Variants in NHS observed in about 807,000 individuals in gnomAD.
NHS encodes NHS actin remodeling regulator.
Under a neutral mutation model 72.5 loss-of-function variants are expected in NHS, and 5 were observed. The ratio of observed to expected loss-of-function variants is 0.07; its 90% CI spans 0.04 to 0.14. NHS has a LOEUF of 0.14. Among genes scored for constraint, NHS ranks in the 10% least tolerant of loss-of-function variants. NHS has a pLI of 1.00. For synonymous variants in NHS, 464 were observed against 547.7 expected, an observed-to-expected ratio of 0.85 and a Z score of 2.13; for missense variants, 1,072 against 1,355.7, an observed-to-expected ratio of 0.79 and a Z score of 3.29.
At chrX:17,692,594 TG>T in intron 3 of NHS, 126 bp downstream of exon 3, 2 of 859,415 alleles carry the variant, frequency 2.3e-6, no homozygotes, top group Non-Finnish European at 3.4e-6. Context: ...CATGGGCATT[TG>T]GGAACAAATT....
At chrX:17,533,157 G>C (rs987579599) in intron 1 of NHS, among the ~76,000 whole-genome samples, 7 of 112,304 alleles carry the variant, frequency 6.2e-5, no homozygotes, top group Non-Finnish European at 1.3e-4. Context: ...ACATGGGAGA[G>C]GGCCAAAGCT....
chrX:17,381,943 T>G (rs1274463813), intron 1 of NHS, among the ~76,000 whole-genome samples: 1 of 112,522 alleles, frequency 8.9e-6, no homozygotes, highest in East Asian at 2.8e-4. Context: ...GATGTTTAAA[T>G]TGTAGCCACT....
At chrX:17,706,686 G>A (rs2066298358) in intron 3 of NHS, among the ~76,000 whole-genome samples, 1 of 111,805 alleles carries the variant, frequency 8.9e-6, no homozygotes. Context: ...CAGAGAATCT[G>A]ATATAAGGTG....
At chrX:17,452,440 A>G (rs185779912) in intron 1 of NHS, among the ~76,000 whole-genome samples, 6 of 109,797 alleles carry the variant, frequency 5.5e-5, no homozygotes, top group East Asian at 5.7e-4. Flanking sequence ...AGTGGGGCCT[A>G]TGGTCTCCAG....
chrX:17,588,483 G>A lies in NHS; in HGVS notation c.566-99259G>A, dbSNP rs772410920. Among the ~76,000 whole-genome samples, 14 of 112,240 alleles carry A rather than the reference G, an allele frequency of 1.2e-4. 1 individual carries two copies. The highest frequency in any genetic ancestry group is 3.9e-4 in the African/African-American group (12 of 30,961). On this transcript the variant is annotated intron_variant, in intron 1 of 8. Transcript: ENST00000676302. ...TGCCTTAAAAATAATGGGAGGTTTT[G>A]TAGAGGACCTGACAGCTTAGCTGAG...
chrX:17,561,172 C>G (rs769716627), intron 1 of NHS, among the ~76,000 whole-genome samples: 2 of 112,797 alleles, frequency 1.8e-5, no homozygotes, highest in Non-Finnish European at 3.7e-5. Context: ...TGAGCTTAAT[C>G]TTGTTCTAAG....
chrX:17,387,210 A>G (rs1569243696), intron 1 of NHS, among the ~76,000 whole-genome samples: 1 of 111,704 alleles, frequency 9.0e-6, no homozygotes, highest in Non-Finnish European at 1.9e-5. Flanking sequence ...CACAATATCT[A>G]TCATCACGAG....
At chrX:17,477,721 A>G (rs1400309234) in intron 1 of NHS, among the ~76,000 whole-genome samples, 1 of 112,127 alleles carries the variant, frequency 8.9e-6, no homozygotes, top group Non-Finnish European at 1.9e-5. Flanking sequence ...TGAGCCCTAC[A>G]TGTGGAACTG....
chrX:17,603,505 C>T (rs984815250), intron 1 of NHS, among the ~76,000 whole-genome samples: 36 of 111,873 alleles, frequency 3.2e-4, no homozygotes, highest in African/African-American at 1.1e-3. Flanking sequence ...CATTTCAGAG[C>T]TCAGAAAATA....
At chrX:17,674,201 G>A (rs751090026) in intron 1 of NHS, among the ~76,000 whole-genome samples, 1 of 111,282 alleles carries the variant, frequency 9.0e-6, no homozygotes, top group Non-Finnish European at 1.9e-5. Context: ...CCAGCACCGG[G>A]GCCCAAGGCA....
intron 1 of NHS, among the ~76,000 whole-genome samples, chrX:17,393,539 G>A (rs2064456327): frequency 8.9e-6 from 1 of 112,401 alleles, no homozygotes; most frequent in South Asian, 3.7e-4. Flanking sequence ...ATCTTTATTG[G>A]CACTGCTTCA....
intron 1 of NHS, among the ~76,000 whole-genome samples, chrX:17,487,956 A>G (rs772334100): frequency 1.8e-5 from 2 of 111,306 alleles, no homozygotes; most frequent in East Asian, 5.7e-4. Context: ...GTTTATGCCA[A>G]TATATGCTCC....
rs548692975 is a variant in NHS, at chrX:17,585,738, G to GTAATAA, written c.566-101979_566-101974dup. On this transcript the variant is annotated intron_variant, in intron 1 of 8. Transcript: ENST00000676302. ...GGGGGATTTATGACCAAAAATAATAGTAATAATAATAATAATAATAATAAT... is the reference window on the plus strand; with the variant it reads ...GGGGGATTTATGACCAAAAATAATAGTAATAATAATAATAATAATAATAATAATAAT... 4.8e-3 allele frequency among the ~76,000 whole-genome samples: 483 copies of GTAATAA among 101,225 alleles called. 3 individuals are homozygous for GTAATAA. Among genetic ancestry groups the GTAATAA allele is most frequent in the African/African-American group, 0.016 (410 of 25,436 alleles). 87.9% of individuals were successfully genotyped at this position (101,225 alleles called of 115,157 possible).
rs1343106780 is a variant in NHS, at chrX:17,667,868, G to A, written c.566-19874G>A. On this transcript the variant is annotated intron_variant, in intron 1 of 8. Transcript: ENST00000676302. ...CTTCCCCTGGAGGCAGCTTCCCTAAGCGGGGTCATGGACAGTCTCCCAGCT... is the reference window on the plus strand; with the variant it reads ...CTTCCCCTGGAGGCAGCTTCCCTAAACGGGGTCATGGACAGTCTCCCAGCT... Among the ~76,000 whole-genome samples, 3 of 110,580 alleles carry A rather than the reference G, an allele frequency of 2.7e-5. No homozygotes were observed. The Admixed American group carries it at 2.9e-4, about 11-fold the overall frequency.
At chrX:17,546,851 C>T (rs1443880839) in intron 1 of NHS, among the ~76,000 whole-genome samples, 1 of 112,514 alleles carries the variant, frequency 8.9e-6, no homozygotes, top group Non-Finnish European at 1.9e-5. Flanking sequence ...GCATTTAACA[C>T]GTCCTTGGCA....
At chrX:17,721,389 T>C (rs894466216) in intron 4 of NHS, 52 bp from the exon 5 acceptor site, 2 of 1,145,788 alleles carry the variant, frequency 1.7e-6, no homozygotes, top group Non-Finnish European at 1.2e-6. Context: ...TCCTTATATG[T>C]GTGCTTATGT....
intron 1 of NHS, among the ~76,000 whole-genome samples, chrX:17,398,052 G>T (rs2064485003): frequency 8.9e-6 from 1 of 112,200 alleles, no homozygotes; most frequent in African/African-American, 3.2e-5. Context: ...TCCTCTTCAG[G>T]CCTACAATCA....
chrX:17,671,659 G>T (rs1569305420), intron 1 of NHS, among the ~76,000 whole-genome samples: 1 of 112,030 alleles, frequency 8.9e-6, no homozygotes, highest in Non-Finnish European at 1.9e-5. Context: ...GTTTGACAGG[G>T]AAACAAGCAA....
At chrX:17,388,967 A>G (rs1332326584) in intron 1 of NHS, among the ~76,000 whole-genome samples, 1 of 110,513 alleles carries the variant, frequency 9.0e-6, no homozygotes, top group African/African-American at 3.3e-5. Context: ...TACAACATTG[A>G]AAAGAACAAG....
Sources: gnomAD v4.1 joint callset for allele counts (sites outside exome capture counted in the v4.1 genomes callset) on GRCh38, gnomAD v4.1.1 for gene constraint, MANE v1.5 for transcripts, NCBI Gene and HGNC (gene_info 2026-07-23, HGNC 2026-07-21) for gene names.